Variants in SRRT observed in about 807,000 individuals in gnomAD.
SRRT encodes the protein serrate, RNA effector molecule, also known as serrate RNA effector molecule homolog.
In SRRT, 32 loss-of-function variants were observed where a neutral mutation model predicts 103.2. The ratio of observed to expected loss-of-function variants is 0.31; its 90% CI spans 0.23 to 0.42. The LOEUF (loss-of-function observed/expected upper bound fraction) is 0.42. Among genes scored for constraint, SRRT ranks in the 10% least tolerant of loss-of-function variants. The pLI is 1.00. For synonymous variants in SRRT, 525 were observed against 449.0 expected (o/e 1.17, Z -2.14); for missense variants, 986 against 1,207.5 (o/e 0.82, Z 2.72).
At position 100,886,888 on chromosome 7, in the gene SRRT, G is replaced by C. The variant is rs752864990; in HGVS notation, c.1741G>C (p.Gly581Arg). Reference protein sequence around the residue: ...AEEEELLGSSGGAPPEEPPKE... With the variant: ...AEEEELLGSSRGAPPEEPPKE... ...GGAGGAGGAGCTGCTGGGGAGCAGC[G>C]GGGGCGCTCCTCCTGAGGAGCCTCC... Residue 581 changes from glycine (G) to arginine (R), a missense_variant, in exon 14 of 20, where the codon GGG becomes CGG. By Grantham distance (125) the Gly-to-Arg change is moderately radical (BLOSUM62 -2). Coordinates refer to ENST00000611405, the MANE Select transcript of SRRT (RefSeq NM_015908.6). 6.2e-7 allele frequency: 1 copy of C among 1,614,012 alleles called. No homozygotes were observed. Among genetic ancestry groups the C allele is most frequent in the Non-Finnish European group, 8.5e-7 (1 of 1,180,010 alleles).
In SRRT at chr7:100,881,750, TG is replaced by T. The variant is rs771472187; in HGVS notation, c.347del (p.Gly116AlafsTer33). ...GGPTYGPPQP[W>X]GHPDVHIMQH... ...CCCAACTTATGGCCCCCCTCAGCCC[TG>T]GGGCCACCCTGACGTCCACATCATG... On this transcript the variant is annotated frameshift_variant, in exon 4 of 20. Coordinates refer to ENST00000611405, the MANE Select transcript of SRRT (RefSeq NM_015908.6). LOFTEE classifies it high-confidence loss of function. The T allele has an allele frequency of 6.2e-7, 1 of 1,613,820 alleles. No homozygotes were observed. Among genetic ancestry groups the T allele is most frequent in the Non-Finnish European group, 8.5e-7 (1 of 1,179,954 alleles).
chr7:100,881,204 C>T, intron 2 of SRRT, 81 bp from the exon 3 acceptor site: 3 of 1,503,472 alleles, frequency 2.0e-6, no homozygotes, highest in Non-Finnish European at 2.7e-6. Flanking sequence ...TGTTCTCTGC[C>T]TCGGCCTCAA....
rs760572810 is a variant in SRRT at position 100,888,519 on chromosome 7, G to T, written c.2601G>T (p.Leu867=). Residue 867 remains leucine, a synonymous_variant, in exon 20 of 20, where the codon CTG becomes CTT. Coordinates refer to ENST00000611405, the MANE Select transcript of SRRT (RefSeq NM_015908.6). ...GGGCCATTGTGGAATATCGGGACCT[G>T]GATGCCCCAGACGATGTTGATTTCT... ...DPRAIVEYRD[L]DAPDDVDFF 3.7e-6 allele frequency: 6 copies of T among 1,614,184 alleles called. No individual in the cohort carries two copies. Among genetic ancestry groups the T allele is most frequent in the Non-Finnish European group, 5.1e-6 (6 of 1,180,034 alleles).
chr7:100,882,563 C>G lies in SRRT; in HGVS notation c.587+322C>G, dbSNP rs2115805326. The G allele has an allele frequency of 4.0e-6, 1 of 247,698 alleles. No homozygotes were observed. Among genetic ancestry groups the G allele is most frequent in the South Asian group, 1.0e-4 (1 of 10,048 alleles). The allele number at this position is 247,698 out of a possible 1,614,324, so 15.3% of individuals were successfully genotyped here. A position where few individuals can be genotyped will look rare whatever the true frequency, so the allele number is the denominator to read the frequency against. ...GTTGGGTCATTGTCATCCCTGATCA[C>G]CAGGACCCTGTGTGGCTGTGGCGTC... is the stretch of plus-strand genomic sequence containing the variant. On this transcript the variant is annotated intron_variant, in intron 5 of 19. Transcript: ENST00000611405. The surrounding 1 kb of genome is among the most constrained non-coding windows in gnomAD (Gnocchi z 4.2).
In SRRT at chr7:100,887,994, G is replaced by A. The variant is rs376806004; in HGVS notation, c.2327-48G>A. The A allele has an allele frequency of 1.3e-4, 202 of 1,522,610 alleles. No individual in the cohort carries two copies. The African/African-American group carries it at 2.1e-3, about 16-fold the overall frequency. The allele number at this position is 1,522,610 out of a possible 1,614,324, so 94.3% of individuals were successfully genotyped here. On this transcript the variant is annotated intron_variant, in intron 17 of 19. Coordinates refer to ENST00000611405, the MANE Select transcript of SRRT (RefSeq NM_015908.6). This position sits in a 1 kb window ranked among gnomAD's most constrained non-coding sequence, Gnocchi z 4.1. Reference sequence around the variant, plus strand: ...ATAGCCCTAGAAGTCAATTGTACCCGTATCCCCCTCCCCGCCCCCGCAGTA... The same window carrying A: ...ATAGCCCTAGAAGTCAATTGTACCCATATCCCCCTCCCCGCCCCCGCAGTA...
At chr7:100,875,385 C>G in intron 1 of SRRT, 57 bp downstream of exon 1, 2 of 1,349,366 alleles carry the variant, frequency 1.5e-6, no homozygotes, top group Non-Finnish European at 1.9e-6. Flanking sequence ...AACCGGGGTC[C>G]ACGGGGGCGG....
chr7:100,875,191 C>G lies in SRRT; in HGVS notation c.-156C>G, dbSNP rs1178455704. The G allele has an allele frequency of 5.3e-6, 1 of 187,860 alleles. No individual in the cohort carries two copies. The highest frequency in any genetic ancestry group is 1.1e-4 in the South Asian group (1 of 9,144). 11.6% of individuals were successfully genotyped at this position (187,860 alleles called of 1,614,324 possible). A position where few individuals can be genotyped will look rare whatever the true frequency, so the allele number is the denominator to read the frequency against. The stretch of plus-strand genomic sequence containing the variant: ...CATCCCCGGTTGTCCCACTTTTGTT[C>G]GCCTCTCTTCGGCCCTCTACTCAAG... On this transcript the variant is annotated 5_prime_UTR_variant, in exon 1 of 20. Transcript: ENST00000611405.
intron 2 of SRRT, among the ~76,000 whole-genome samples, chr7:100,877,926 G>C (rs1327998103): frequency 6.6e-6 from 1 of 152,148 alleles, no homozygotes; most frequent in East Asian, 1.9e-4. Flanking sequence ...TTGGGTATTT[G>C]GCAGACATCT....
In SRRT at chr7:100,881,417, A is replaced by G; in HGVS notation, c.251+4A>G. On this transcript the variant is annotated splice_donor_region_variant and intron_variant, in intron 3 of 19. Transcript: ENST00000611405. The stretch of plus-strand genomic sequence containing the variant: ...AGAAGCGCATGAGGAGAGACTGGTG[A>G]GATGGAGCGGTTTCCCTCTCCTCCC... 6.2e-7 allele frequency: 1 copy of G among 1,609,788 alleles called. No individual in the cohort carries two copies. Among genetic ancestry groups the G allele is most frequent in the South Asian group, 1.1e-5 (1 of 91,022 alleles).
chr7:100,879,651 C>G (rs1318907665), intron 2 of SRRT, among the ~76,000 whole-genome samples: 4 of 151,868 alleles, frequency 2.6e-5, no homozygotes, highest in African/African-American at 7.3e-5. Context: ...ATAGATGTAA[C>G]CCACATAAGC....
rs1208202769 is a variant in SRRT at position 100,885,605 on chromosome 7, CA to C, written c.1318-95del. 7.6e-7 allele frequency: 1 copy of C among 1,322,024 alleles called. No homozygotes were observed. The highest frequency in any genetic ancestry group is 1.1e-6 in the Non-Finnish European group (1 of 939,778). The allele number at this position is 1,322,024 out of a possible 1,614,324, so 81.9% of individuals were successfully genotyped here. A position where few individuals can be genotyped will look rare whatever the true frequency, so the allele number is the denominator to read the frequency against. On this transcript the variant is annotated intron_variant, in intron 10 of 19. Coordinates refer to ENST00000611405, the MANE Select transcript of SRRT (RefSeq NM_015908.6). The surrounding 1 kb of genome is among the most constrained non-coding windows in gnomAD (Gnocchi z 4.8). ...CCCAAGGATGGGAAGAGTGATAAGGCAGTTAGTCCCTAGGGTTCTGAGGGCA... is the reference window on the plus strand; with the variant it reads ...CCCAAGGATGGGAAGAGTGATAAGGCGTTAGTCCCTAGGGTTCTGAGGGCA...
intron 13 of SRRT, 36 bp from the exon 14 acceptor site, chr7:100,886,759 C>T: frequency 1.2e-6 from 2 of 1,611,188 alleles, no homozygotes; most frequent in South Asian, 2.2e-5. Context: ...CTCTGAAGGT[C>T]TTCTCTGCCT....
chr7:100,885,327 T>C lies in SRRT; in HGVS notation c.1274T>C (p.Met425Thr). 1 of 1,614,140 alleles carries C rather than the reference T, an allele frequency of 6.2e-7. No individual in the cohort carries two copies. The highest frequency in any genetic ancestry group is 8.5e-7 in the Non-Finnish European group (1 of 1,180,006). ...RPLHKTCSLF[M>T]RNIAPNISRA... ...CTGCATAAGACCTGCTCCCTCTTCATGCGCAACATCGCGCCCAACATCTCC... is the reference window on the plus strand; with the variant it reads ...CTGCATAAGACCTGCTCCCTCTTCACGCGCAACATCGCGCCCAACATCTCC... Residue 425 changes from methionine to threonine, a missense_variant, in exon 10 of 20, where the codon ATG (methionine) becomes ACG (threonine). Around this residue, in one of 6 missense-constraint regions of SRRT, gnomAD observed 349 missense variants for 446.9 expected, o/e 0.78. Transcript: ENST00000611405. This position sits in a 1 kb window ranked among gnomAD's most constrained non-coding sequence, Gnocchi z 4.8.
intron 2 of SRRT, chr7:100,880,777 G>GGCCTGTA (rs1416950798): frequency 2.6e-6 from 1 of 387,810 alleles, no homozygotes; most frequent in African/African-American, 2.1e-5. Context: ...CCCGTAAGTG[G>GGCCTGTA]GCCTGTAGCA....
At chr7:100,880,897 CTTTGTTTTGT>C (rs925751450) in intron 2 of SRRT, 1 of 256,814 alleles carries the variant, frequency 3.9e-6, no homozygotes, top group African/African-American at 2.3e-5. Context: ...AGACAAGAAT[CTTTGTTTTGT>C]TTTGTTTTGA....
chr7:100,886,557 C>T (rs370670021), intron 13 of SRRT, 122 bp downstream of exon 13: 1 of 1,119,364 alleles, frequency 8.9e-7, no homozygotes, highest in Non-Finnish European at 1.3e-6. Flanking sequence ...CACTCATTTG[C>T]CCCTTCGTGT....
chr7:100,886,147 T>G, intron 12 of SRRT, 100 bp from the exon 13 acceptor site: 1 of 1,411,708 alleles, frequency 7.1e-7, no homozygotes, highest in Non-Finnish European at 9.7e-7. Context: ...GCTCGCAGTC[T>G]GATCAATCGC....
intron 4 of SRRT, 102 bp downstream of exon 4, chr7:100,881,907 G>C (rs1175810174): frequency 4.0e-6 from 6 of 1,485,642 alleles, no homozygotes; most frequent in Non-Finnish European, 5.4e-6. Context: ...GCACACAGAG[G>C]CATGTCCCTG....
chr7:100,880,734 G>T (rs1192578260), intron 2 of SRRT: 1 of 432,552 alleles, frequency 2.3e-6, no homozygotes, highest in South Asian at 1.6e-5. Context: ...TGAGTGCACT[G>T]GTGCAGTCGA....
Sources: allele counts gnomAD v4.1 joint callset (sites outside exome capture counted in the v4.1 genomes callset), GRCh38; gene constraint gnomAD v4.1.1; regional missense constraint gnomAD v4.1.1; non-coding constraint Gnocchi (gnomAD v3.1); transcripts MANE v1.5; gene names NCBI Gene and HGNC (gene_info 2026-07-23, HGNC 2026-07-21).